Variants in WWP2 observed in about 807,000 individuals in gnomAD.
WWP2 encodes NEDD4-like E3 ubiquitin-protein ligase WWP2.
A neutral mutation model predicts 121.0 loss-of-function variants in WWP2; 57 were observed. The observed-to-expected ratio is 0.47, with a 90% CI of 0.38 to 0.59. The LOEUF (loss-of-function observed/expected upper bound fraction) is 0.59, where lower values mean the gene tolerates loss of function less well. WWP2 is among the 20% of genes least tolerant of loss of function. The pLI, the probability that WWP2 is intolerant of heterozygous loss-of-function variation, is 0.00. For missense variants in WWP2, 962 were observed against 1,158.9 expected (o/e 0.83, Z 2.47); for synonymous variants, 449 against 441.3 (o/e 1.02, Z -0.22).
chr16:69,762,687 T>C (rs550705026), intron 1 of WWP2, among the ~76,000 whole-genome samples: 1 of 151,900 alleles, frequency 6.6e-6, no homozygotes, highest in African/African-American at 2.4e-5. Context: ...GGAGCTTAGG[T>C]TCCCAGGCAT....
At chr16:69,826,622 G>A (rs1239526010) in intron 4 of WWP2, among the ~76,000 whole-genome samples, 1 of 148,396 alleles carries the variant, frequency 6.7e-6, no homozygotes, top group Non-Finnish European at 1.5e-5. Context: ...GCTAAGGCCT[G>A]TAATCCCAGC....
intron 6 of WWP2, among the ~76,000 whole-genome samples, chr16:69,857,192 C>T (rs550077968): frequency 6.6e-6 from 1 of 152,102 alleles, no homozygotes; most frequent in African/African-American, 2.4e-5. Context: ...CAACCTCTGC[C>T]TCTGGGGTTC....
At position 69,798,690 on chromosome 16, in the gene WWP2, G is replaced by T. The variant is rs1181677264; in HGVS notation, c.79G>T (p.Ala27Ser). Residue 27 changes from alanine to serine, a missense_variant, in exon 3 of 24, where the codon GCA becomes TCA. Ala to Ser is a moderately conservative substitution (Grantham distance 99). Around this residue, in one of 3 missense-constraint regions of WWP2, gnomAD observed 145 missense variants for 189.8 expected, o/e 0.76. Coordinates refer to ENST00000359154, the MANE Select transcript of WWP2 (RefSeq NM_001270454.2). ...CTTTCTTTCTCTCCCAGTGGTGTCC[G>T]CAAAGCCCAAGGTGCATAATCGTCA... is the stretch of plus-strand genomic sequence containing the variant. ...KSQLTLKVVS[A>S]KPKVHNRQPR... 3.1e-6 allele frequency: 5 copies of T among 1,613,330 alleles called. No individual in the cohort carries two copies. Among genetic ancestry groups the T allele is most frequent in the Non-Finnish European group, 4.2e-6 (5 of 1,179,660 alleles).
intron 4 of WWP2, among the ~76,000 whole-genome samples, chr16:69,834,630 G>A (rs1567693137): frequency 6.7e-6 from 1 of 150,344 alleles, no homozygotes; most frequent in Non-Finnish European, 1.5e-5. Flanking sequence ...GGGTTCAAGC[G>A]ATTCTCCTGC....
rs538514760 is a variant in WWP2 at position 69,837,011 on chromosome 16, C to T, written c.341-3115C>T. On this transcript the variant is annotated intron_variant, in intron 4 of 23. Transcript: ENST00000359154. ...TGATCTTGGCTCACTGCAGCCTCGA[C>T]CTCCCGGGCTCAGGTGATTCTCCCA... Among the ~76,000 whole-genome samples, 280 of 152,266 alleles carry T rather than the reference C, an allele frequency of 1.8e-3. 1 individual carries two copies. Among genetic ancestry groups the T allele is most frequent in the Middle Eastern group, 6.8e-3 (2 of 294 alleles).
intron 11 of WWP2, among the ~76,000 whole-genome samples, chr16:69,927,645 T>G (rs1009007140): frequency 3.0e-4 from 45 of 152,196 alleles, no homozygotes; most frequent in African/African-American, 1.1e-3. Flanking sequence ...TAGCCTTGGC[T>G]TTGGCCCTTA....
chr16:69,819,185 T>C (rs1213018846), intron 4 of WWP2, among the ~76,000 whole-genome samples: 1 of 152,202 alleles, frequency 6.6e-6, no homozygotes, highest in Admixed American at 6.5e-5. Context: ...TTCTTGACTG[T>C]TATTGCAAAG....
chr16:69,892,102 C>A (rs990097896), intron 8 of WWP2, among the ~76,000 whole-genome samples: 4 of 152,226 alleles, frequency 2.6e-5, no homozygotes, highest in Admixed American at 2.0e-4. Flanking sequence ...AGCACATATG[C>A]ACCTAGCCTG....
At chr16:69,820,327 C>T (rs1027668005) in intron 4 of WWP2, among the ~76,000 whole-genome samples, 2 of 152,190 alleles carry the variant, frequency 1.3e-5, no homozygotes, top group East Asian at 1.9e-4. Flanking sequence ...CTGCAACCTC[C>T]GCCTCCTGGG....
intron 7 of WWP2, among the ~76,000 whole-genome samples, chr16:69,885,176 T>G (rs1365198186): frequency 6.6e-6 from 1 of 151,964 alleles, no homozygotes; most frequent in Non-Finnish European, 1.5e-5. Flanking sequence ...GCTATTCTTG[T>G]GTATTTAGTT....
intron 1 of WWP2, among the ~76,000 whole-genome samples, chr16:69,770,831 G>A (rs2055397837): frequency 1.3e-5 from 2 of 151,984 alleles, no homozygotes; most frequent in African/African-American, 4.8e-5. Context: ...CACACATCTG[G>A]TGTCAGAAGT....
chr16:69,837,131 C>A (rs972089019), intron 4 of WWP2, among the ~76,000 whole-genome samples: 1 of 151,722 alleles, frequency 6.6e-6, no homozygotes, highest in African/African-American at 2.4e-5. Context: ...TACCATGTTG[C>A]CCAGGCTGGT....
intron 4 of WWP2, among the ~76,000 whole-genome samples, chr16:69,808,914 G>A (rs2056337130): frequency 6.6e-6 from 1 of 152,156 alleles, no homozygotes; most frequent in African/African-American, 2.4e-5. Flanking sequence ...TGGTTCATAG[G>A]GTGGATGTAT....
chr16:69,858,516 C>T (rs558233684), intron 6 of WWP2, among the ~76,000 whole-genome samples: 68 of 152,078 alleles, frequency 4.5e-4, no homozygotes, highest in Non-Finnish European at 6.6e-4. Context: ...GAGGGGGCGC[C>T]CTTTATCACA....
chr16:69,882,612 G>T (rs984630777), intron 7 of WWP2, among the ~76,000 whole-genome samples: 2 of 152,178 alleles, frequency 1.3e-5, no homozygotes, highest in African/African-American at 4.8e-5. Context: ...GGTGCTGTGG[G>T]CTTCACAGTG....
chr16:69,771,698 T>C (rs1238862657), intron 1 of WWP2, among the ~76,000 whole-genome samples: 1 of 152,200 alleles, frequency 6.6e-6, no homozygotes, highest in Non-Finnish European at 1.5e-5. Context: ...TCTTTTTCTC[T>C]CTGTTTGTTT....
intron 1 of WWP2, among the ~76,000 whole-genome samples, chr16:69,773,944 T>C (rs943232710): frequency 2.6e-5 from 4 of 152,076 alleles, no homozygotes; most frequent in Admixed American, 2.6e-4. Context: ...CCCAGCTTCA[T>C]ATTAGGATCA....
chr16:69,884,473 T>A (rs1024100531), intron 7 of WWP2, among the ~76,000 whole-genome samples: 11 of 151,602 alleles, frequency 7.3e-5, no homozygotes, highest in Non-Finnish European at 1.2e-4. Flanking sequence ...AAAATAAAAC[T>A]AAAAATTAGC....
chr16:69,887,050 T>C (rs2057938218), intron 7 of WWP2, among the ~76,000 whole-genome samples: 1 of 152,230 alleles, frequency 6.6e-6, no homozygotes. Flanking sequence ...CCTTATTTGA[T>C]CCTTTTTTGA....
Sources: gnomAD v4.1 joint callset for allele counts (sites outside exome capture counted in the v4.1 genomes callset) on GRCh38, gnomAD v4.1.1 for gene constraint, gnomAD v4.1.1 regional missense constraint, MANE v1.5 for transcripts, NCBI Gene and HGNC (gene_info 2026-07-23, HGNC 2026-07-21) for gene names.